The following HSPA12A variants were observed in gnomAD, a reference collection of about 807,000 sequenced individuals.
The protein encoded by HSPA12A is heat shock 70 kDa protein 12A.
Under a neutral mutation model 69.2 loss-of-function variants are expected in HSPA12A, and 28 were observed. That is an observed-to-expected ratio of 0.40 (90% CI 0.30 to 0.55). The LOEUF (loss-of-function observed/expected upper bound fraction) is 0.55, where lower values mean the gene tolerates loss of function less well. Ranked by LOEUF, HSPA12A falls within the 20% of genes least tolerant of loss-of-function variation. HSPA12A has a pLI of 0.38. For missense variants in HSPA12A, 686 were observed against 900.7 expected, an observed-to-expected ratio of 0.76 and a Z score of 3.05; for synonymous variants, 345 against 370.5, an observed-to-expected ratio of 0.93 and a Z score of 0.79.
rs1849182718 is a variant in HSPA12A, at chr10:116,674,927, G to C, written c.1882C>G (p.Leu628Val). 1.9e-6 allele frequency: 3 copies of C among 1,614,194 alleles called. No individual in the cohort carries two copies. The highest frequency in any genetic ancestry group is 1.7e-5 in the Admixed American group (1 of 60,030). The change falls in exon 12 of 12, where the codon CTC (leucine) becomes GTC (valine). Residue 628 changes from leucine (L) to valine (V), a missense_variant. Coordinates refer to ENST00000369209, the MANE Select transcript of HSPA12A (RefSeq NM_025015.3). ...ACCGCAGTGCCACTGGTCCCTGTGA[G>C]ATCCAGGCGGAGCGTGCCACACTTC... ...VKKCGTLRLD[L>V]TGTSGTAVPA...
chr10:116,794,114 A>C (rs548197435), intron 2 of HSPA12A, among the ~76,000 whole-genome samples: 1 of 152,122 alleles, frequency 6.6e-6, no homozygotes, highest in Non-Finnish European at 1.5e-5. Context: ...CTGAGGCAGG[A>C]GAATGGCGTG....
At chr10:116,682,576 C>T (rs1311805438) in intron 7 of HSPA12A, among the ~76,000 whole-genome samples, 6 of 152,182 alleles carry the variant, frequency 3.9e-5, no homozygotes, top group African/African-American at 1.4e-4. Context: ...ACAACCTCCG[C>T]TCCTGCTGTG....
In HSPA12A at chr10:116,675,547, G is replaced by A. The variant is rs1264869567; in HGVS notation, c.1391-129C>T. Reference sequence around the variant, plus strand: ...CACTGGGAGGGCAGGCTTACTCTGAGCTCCTTGAACAGAATCTTTGCAGAA... The same window carrying A: ...CACTGGGAGGGCAGGCTTACTCTGAACTCCTTGAACAGAATCTTTGCAGAA... On this transcript the variant is annotated intron_variant, in intron 11 of 11. Transcript: ENST00000369209. The surrounding 1 kb of genome is among the most constrained non-coding windows in gnomAD (Gnocchi z 5.2). 2 of 912,980 alleles carry A rather than the reference G, an allele frequency of 2.2e-6. No homozygotes were observed. Among genetic ancestry groups the A allele is most frequent in the Non-Finnish European group, 3.3e-6 (2 of 611,610 alleles). 56.6% of individuals were successfully genotyped at this position (912,980 alleles called of 1,614,324 possible). A position where few individuals can be genotyped will look rare whatever the true frequency, so the allele number is the denominator to read the frequency against.
chr10:116,689,637 A>G (rs1849677898), intron 6 of HSPA12A, among the ~76,000 whole-genome samples: 1 of 151,666 alleles, frequency 6.6e-6, no homozygotes, highest in African/African-American at 2.4e-5. Flanking sequence ...AGACAGACAG[A>G]CAGATAGATA....
At chr10:116,811,579 TAAAAAAA>T (rs60912684) in intron 2 of HSPA12A, among the ~76,000 whole-genome samples, 5 of 105,930 alleles carry the variant, frequency 4.7e-5, no homozygotes, top group East Asian at 3.1e-4. Flanking sequence ...TTGCTTTTGT[TAAAAAAA>T]AAAAAAAAAA....
chr10:116,813,699 C>T (rs557902856), intron 2 of HSPA12A, among the ~76,000 whole-genome samples: 1 of 151,706 alleles, frequency 6.6e-6, no homozygotes, highest in African/African-American at 2.4e-5. Context: ...GGCAACATAG[C>T]AAGACCCTCC....
intron 2 of HSPA12A, among the ~76,000 whole-genome samples, chr10:116,773,989 G>C (rs559673587): frequency 5.3e-4 from 80 of 152,148 alleles, no homozygotes; most frequent in African/African-American, 1.6e-3. Flanking sequence ...GACATGGGGT[G>C]GGGGAACCTG....
chr10:116,718,255 G>A (rs1554884001), intron 1 of HSPA12A, among the ~76,000 whole-genome samples: 1 of 152,264 alleles, frequency 6.6e-6, no homozygotes, highest in Non-Finnish European at 1.5e-5. Flanking sequence ...TTCCAGGCCA[G>A]TTGGTTTCCC....
At chr10:116,759,089 C>G (rs1192876456) in intron 2 of HSPA12A, among the ~76,000 whole-genome samples, 1 of 152,254 alleles carries the variant, frequency 6.6e-6, no homozygotes, top group African/African-American at 2.4e-5. Context: ...TCAGCCAGCT[C>G]TTCCTCTCAT....
chr10:116,700,817 G>T, intron 4 of HSPA12A, 126 bp downstream of exon 4: 1 of 815,168 alleles, frequency 1.2e-6, no homozygotes, highest in Non-Finnish European at 2.0e-6. Flanking sequence ...AATGGACACT[G>T]ATTTCTGCTT....
chr10:116,754,238 G>A (rs1554888585), intron 2 of HSPA12A, among the ~76,000 whole-genome samples: 2 of 152,144 alleles, frequency 1.3e-5, no homozygotes, highest in African/African-American at 4.8e-5. Context: ...TCATAACGGG[G>A]AAAACACACT....
chr10:116,739,895 A>G (rs1253511630), intron 1 of HSPA12A, among the ~76,000 whole-genome samples: 2 of 151,678 alleles, frequency 1.3e-5, no homozygotes, highest in East Asian at 1.9e-4. Flanking sequence ...CCCCACCCCA[A>G]CTGCACTTGT....
chr10:116,755,722 C>T (rs1033412124), intron 2 of HSPA12A, among the ~76,000 whole-genome samples: 5 of 149,122 alleles, frequency 3.4e-5, no homozygotes, highest in African/African-American at 7.4e-5. Context: ...AATCCCAACA[C>T]TTTGGGAGGC....
In HSPA12A at chr10:116,736,731, G is replaced by T. The variant is rs143241086; in HGVS notation, c.40+5699C>A. ...AGAAGTTTGAAAAGGCAATGAAATGGATTATCCCCTAGAGCCTCCAGAAGG... is the reference window on the plus strand; with the variant it reads ...AGAAGTTTGAAAAGGCAATGAAATGTATTATCCCCTAGAGCCTCCAGAAGG... On this transcript the variant is annotated intron_variant, in intron 1 of 11. Transcript: ENST00000369209. Among the ~76,000 whole-genome samples the T allele has an allele frequency of 3.8e-3, 578 of 152,250 alleles. 2 individuals carry two copies. The highest frequency in any genetic ancestry group is 0.013 in the African/African-American group (544 of 41,530).
chr10:116,811,466 C>T (rs774052747), intron 2 of HSPA12A, among the ~76,000 whole-genome samples: 7 of 151,954 alleles, frequency 4.6e-5, no homozygotes, highest in Non-Finnish European at 1.0e-4. Flanking sequence ...TTCCAGGACC[C>T]GGGAGCTCCC....
Position 116,767,831 on chromosome 10 carries a change from C to T in HSPA12A, c.92-60546G>A, listed in dbSNP as rs115340563. ...GGGCTCTGTGAACTCTGTCTCTCGG[C>T]ACTATGTTCCCTAATTGCAGCCTCT... On this transcript the variant is annotated intron_variant, in intron 2 of 12. Coordinates refer to the HSPA12A transcript ENST00000635765. Among the ~76,000 whole-genome samples, 694 of 152,296 alleles carry T rather than the reference C, an allele frequency of 4.6e-3. 2 individuals are homozygous for T. The highest frequency in any genetic ancestry group is 0.016 in the African/African-American group (665 of 41,558).
intron 2 of HSPA12A, among the ~76,000 whole-genome samples, chr10:116,813,245 C>CTTTTTT (rs1845229706): frequency 2.3e-4 from 3 of 12,786 alleles, no homozygotes; most frequent in Admixed American, 1.1e-3. Context: ...ATCCAGAGCT[C>CTTTTTT]TATTTTTTTT....
intron 1 of HSPA12A, among the ~76,000 whole-genome samples, chr10:116,720,031 A>G (rs1224268776): frequency 6.6e-6 from 1 of 152,232 alleles, no homozygotes; most frequent in Non-Finnish European, 1.5e-5. Context: ...CCAGGGTGAT[A>G]AAAATGTTTG....
chr10:116,763,884 G>A (rs907644259), intron 2 of HSPA12A, among the ~76,000 whole-genome samples: 13 of 152,162 alleles, frequency 8.5e-5, no homozygotes, highest in African/African-American at 2.7e-4. Context: ...GGCACAGCAG[G>A]CTTTTGTGGA....
Sources: allele counts gnomAD v4.1 joint callset (sites outside exome capture counted in the v4.1 genomes callset), GRCh38; gene constraint gnomAD v4.1.1; non-coding constraint Gnocchi (gnomAD v3.1); transcripts MANE v1.5; gene names NCBI Gene and HGNC (gene_info 2026-07-23, HGNC 2026-07-21).